Variants in RCE1 observed in about 807,000 individuals in gnomAD.
RCE1 encodes Ras converting CAAX endopeptidase 1, also known as CAAX prenyl protease 2.
RCE1 carries 15 observed loss-of-function variants against 35.0 expected under a neutral mutation model. The observed-to-expected ratio is 0.43, with a 90% confidence interval of 0.29 to 0.66. The LOEUF is 0.66. Ranked by LOEUF, RCE1 falls within the 30% of genes least tolerant of loss-of-function variation. The pLI, the probability that RCE1 is intolerant of heterozygous loss-of-function variation, is 0.17. For synonymous variants in RCE1, 261 were observed against 192.7 expected (o/e 1.35, Z -2.94); for missense variants, 434 against 433.0 (o/e 1.00, Z -0.02).
At position 66,846,099 on chromosome 11, in the gene RCE1, A is replaced by G. The variant is rs758213941; in HGVS notation, c.*4A>G. 3.8e-6 allele frequency: 6 copies of G among 1,599,864 alleles called. No homozygotes were observed. Among genetic ancestry groups the G allele is most frequent in the South Asian group, 1.1e-5 (1 of 89,828 alleles). Reference sequence around the variant, plus strand: ...AGAGGCTCCCCTGTGCTCCTGACCTATGCTCCTGGATACGCTATGAACTCT... The same window carrying G: ...AGAGGCTCCCCTGTGCTCCTGACCTGTGCTCCTGGATACGCTATGAACTCT... On this transcript the variant is annotated 3_prime_UTR_variant, in exon 8 of 8. Transcript: ENST00000309657.
In RCE1 at chr11:66,845,053, T is replaced by G. The variant is rs766310184; in HGVS notation, c.619+17T>G. The G allele has an allele frequency of 1.2e-5, 20 of 1,603,874 alleles. No individual in the cohort carries two copies. Among genetic ancestry groups the G allele is most frequent in the Non-Finnish European group, 1.7e-5 (20 of 1,173,288 alleles). On this transcript the variant is annotated intron_variant, in intron 5 of 7. Coordinates refer to ENST00000309657, the MANE Select transcript of RCE1 (RefSeq NM_005133.3). ...TTGGAGTTGGTGAGTCTGGCCAGAT[T>G]AGTCCTGGTGTGTTTTCAGCATGAG...
At chr11:66,844,468 C>T in intron 4 of RCE1, 104 bp downstream of exon 4, 1 of 1,448,100 alleles carries the variant, frequency 6.9e-7, no homozygotes, top group South Asian at 1.2e-5. Context: ...GAAATGTCAT[C>T]TCTCTGGGTG....
chr11:66,845,730 G>A (rs532432316), intron 7 of RCE1, 130 bp from the exon 8 acceptor site: 63 of 1,454,248 alleles, frequency 4.3e-5, no homozygotes, highest in Non-Finnish European at 5.5e-5. Context: ...AGCAGAGGCC[G>A]TGGTGTGTGG....
chr11:66,845,290 G>A, intron 6 of RCE1, 53 bp downstream of exon 6: 1 of 1,612,522 alleles, frequency 6.2e-7, no homozygotes, highest in Non-Finnish European at 8.5e-7. Flanking sequence ...GTCGCTAATG[G>A]CCACTCTGGA....
At position 66,846,129 on chromosome 11, in the gene RCE1, G is replaced by C; in HGVS notation, c.*34G>C. ...CCTGGATACGCTATGAACTCTCACC[G>C]GCTCCCCAGCCCTCCCCACCAAGGG... On this transcript the variant is annotated 3_prime_UTR_variant, in exon 8 of 8. Transcript: ENST00000309657. 1 of 1,548,428 alleles carries C rather than the reference G, an allele frequency of 6.5e-7. No homozygotes were observed. Among genetic ancestry groups the C allele is most frequent in the Non-Finnish European group, 8.7e-7 (1 of 1,149,112 alleles).
At chr11:66,845,117 A>C (rs753460902) in intron 5 of RCE1, 49 bp from the exon 6 acceptor site, 1 of 1,614,028 alleles carries the variant, frequency 6.2e-7, no homozygotes, top group South Asian at 1.1e-5. Flanking sequence ...CAGTCCTAGA[A>C]GGGAGGCTGG....
In RCE1 at chr11:66,844,908, G is replaced by A; in HGVS notation, c.491G>A (p.Trp164Ter). Residue 164 changes from tryptophan (W) to a stop codon, truncating the protein, a stop_gained, in exon 5 of 8, where the codon TGG becomes TAG. Coordinates refer to ENST00000309657, the MANE Select transcript of RCE1 (RefSeq NM_005133.3). LOFTEE classifies it high-confidence loss of function. Reference sequence around the variant, plus strand: ...GCCCGCTGCCTCACAGACATGCGTTGGCTGCGGAACCAAGTGATCGCCCCG... The same window carrying A: ...GCCCGCTGCCTCACAGACATGCGTTAGCTGCGGAACCAAGTGATCGCCCCG... ...SWARCLTDMR[W>*]LRNQVIAPLT... 1 of 1,587,462 alleles carries A rather than the reference G, an allele frequency of 6.3e-7. No individual in the cohort carries two copies. The highest frequency in any genetic ancestry group is 8.6e-7 in the Non-Finnish European group (1 of 1,167,550).
Position 66,845,152 on chromosome 11 carries a change from C to CA in RCE1, c.620-13dup. Reference sequence around the variant, plus strand: ...GGAGGAATGACTGTGATGTGATTGTCACCTTTTTCCCAGCCCATTTTCACC... The same window carrying CA: ...GGAGGAATGACTGTGATGTGATTGTCAACCTTTTTCCCAGCCCATTTTCACC... On this transcript the variant is annotated splice_polypyrimidine_tract_variant and intron_variant, in intron 5 of 7. Coordinates refer to ENST00000309657, the MANE Select transcript of RCE1 (RefSeq NM_005133.3). 1 of 1,614,212 alleles carries CA rather than the reference C, an allele frequency of 6.2e-7. No homozygotes were observed. Among genetic ancestry groups the CA allele is most frequent in the Non-Finnish European group, 8.5e-7 (1 of 1,180,038 alleles).
At chr11:66,844,774 C>T (rs1945171045) in intron 4 of RCE1, 95 bp from the exon 5 acceptor site, 4 of 1,436,968 alleles carry the variant, frequency 2.8e-6, no homozygotes, top group South Asian at 1.6e-5. Context: ...TGAGTTTGGC[C>T]AGGGTAAAGT....
chr11:66,844,748 G>GT, intron 4 of RCE1, 121 bp from the exon 5 acceptor site: 1 of 1,357,434 alleles, frequency 7.4e-7, no homozygotes, highest in Non-Finnish European at 9.7e-7. Flanking sequence ...GTCCTCAGCA[G>GT]TATTGATGCC....
intron 7 of RCE1, 60 bp downstream of exon 7, chr11:66,845,622 A>G: frequency 1.2e-6 from 2 of 1,610,402 alleles, no homozygotes; most frequent in Non-Finnish European, 1.7e-6. Context: ...GGAGAATGGG[A>G]ATACTGTTTG....
At chr11:66,843,734 C>T (rs1315007975) in intron 1 of RCE1, 25 bp from the exon 2 acceptor site, 2 of 1,611,392 alleles carry the variant, frequency 1.2e-6, no homozygotes, top group South Asian at 1.1e-5. Flanking sequence ...CCGCGGGCCC[C>T]CTGAACTTAC....
At chr11:66,844,166 C>A in intron 3 of RCE1, 120 bp from the exon 4 acceptor site, 1 of 1,586,244 alleles carries the variant, frequency 6.3e-7, no homozygotes, top group East Asian at 2.2e-5. Flanking sequence ...CAGGGTCCTC[C>A]GGTATGCATG....
Position 66,843,828 on chromosome 11 carries a change from C to G in RCE1, c.255C>G (p.Cys85Trp), listed in dbSNP as rs150448965. 2 of 1,613,960 alleles carry G rather than the reference C, an allele frequency of 1.2e-6. No individual in the cohort carries two copies. The highest frequency in any genetic ancestry group is 1.7e-6 in the Non-Finnish European group (2 of 1,180,028). ...TGGTGTCCAGTCTCTCACCCCTGTG[C>G]GTGCTGCTCTGGAGGGAACTCACAG... ...VLVVSSLSPLCVLLWRELTGI... is the reference protein window; with the variant it reads ...VLVVSSLSPLWVLLWRELTGI... The change falls in exon 2 of 8, where the codon TGC (cysteine) becomes TGG (tryptophan). Residue 85 changes from cysteine (C) to tryptophan (W), a missense_variant. Physicochemically the swap from Cys to Trp is radical, Grantham distance 215 (BLOSUM62 -2). Coordinates refer to ENST00000309657, the MANE Select transcript of RCE1 (RefSeq NM_005133.3).
Position 66,843,521 on chromosome 11 carries a change from G to C in RCE1, c.66G>C (p.Glu22Asp), listed in dbSNP as rs1363183683. ...LSVSRPERPP[E>D]SAALGGLGPG... is the part of the protein sequence containing the mutation. ...TGTCGCGGCCGGAGCGGCCGCCCGA[G>C]TCGGCGGCGCTGGGCGGCCTGGGCC... is the stretch of plus-strand genomic sequence containing the variant. Residue 22 changes from glutamate (E) to aspartate (D), a missense_variant, in exon 1 of 8, where the codon GAG becomes GAC. Glu to Asp is a conservative substitution (Grantham distance 45). Coordinates refer to ENST00000309657, the MANE Select transcript of RCE1 (RefSeq NM_005133.3). The C allele has an allele frequency of 4.7e-6, 7 of 1,503,910 alleles. No individual in the cohort carries two copies. In the Admixed American group the frequency reaches 1.6e-4, roughly 33 times the overall value. 93.2% of individuals were successfully genotyped at this position (1,503,910 alleles called of 1,614,324 possible).
chr11:66,843,533 G>A lies in RCE1; in HGVS notation c.78G>A (p.Leu26=), dbSNP rs1433159935. 6.6e-7 allele frequency: 1 copy of A among 1,526,374 alleles called. No individual in the cohort carries two copies. Among genetic ancestry groups the A allele is most frequent in the Non-Finnish European group, 8.7e-7 (1 of 1,146,308 alleles). 94.6% of individuals were successfully genotyped at this position (1,526,374 alleles called of 1,614,324 possible). A position where few individuals can be genotyped will look rare whatever the true frequency, so the allele number is the denominator to read the frequency against. ...AGCGGCCGCCCGAGTCGGCGGCGCTGGGCGGCCTGGGCCCCGGGCTGTGCT... is the reference window on the plus strand; with the variant it reads ...AGCGGCCGCCCGAGTCGGCGGCGCTAGGCGGCCTGGGCCCCGGGCTGTGCT... The part of the protein sequence containing the change: ...RPERPPESAA[L]GGLGPGLCCW... Residue 26 remains leucine (L), a synonymous_variant, in exon 1 of 8, where the codon CTG becomes CTA. Coordinates refer to ENST00000309657, the MANE Select transcript of RCE1 (RefSeq NM_005133.3).
Position 66,843,640 on chromosome 11 carries a change from G to C in RCE1, c.185G>C (p.Arg62Thr). 6.2e-7 allele frequency: 1 copy of C among 1,603,342 alleles called. No homozygotes were observed. Among genetic ancestry groups the C allele is most frequent in the Non-Finnish European group, 8.5e-7 (1 of 1,177,102 alleles). The stretch of plus-strand genomic sequence containing the variant: ...TACGTCTGGAAGAGCGAACTGCCCA[G>C]GTGCGGGGGCTGCGCGCGACCGGAA... ...SLYVWKSELP[R>T]DHPAVIKRRF... The change falls in exon 1 of 8, where the codon AGG (arginine) becomes ACG (threonine). Residue 62 changes from arginine to threonine, a missense_variant and splice_region_variant. Transcript: ENST00000309657.
In RCE1 at chr11:66,843,655, C is replaced by A; in HGVS notation, c.185+15C>A. 6.2e-7 allele frequency: 1 copy of A among 1,603,248 alleles called. No homozygotes were observed. Among genetic ancestry groups the A allele is most frequent in the Non-Finnish European group, 8.5e-7 (1 of 1,176,584 alleles). On this transcript the variant is annotated intron_variant, in intron 1 of 7. Transcript: ENST00000309657. ...GAACTGCCCAGGTGCGGGGGCTGCGCGCGACCGGAATCCGCGCCCTGCGGG... is the reference window on the plus strand; with the variant it reads ...GAACTGCCCAGGTGCGGGGGCTGCGAGCGACCGGAATCCGCGCCCTGCGGG...
Position 66,844,063 on chromosome 11 carries a change from TC to T in RCE1, c.372+25del, listed in dbSNP as rs778060432. 44 of 1,614,002 alleles carry T rather than the reference TC, an allele frequency of 2.7e-5. No homozygotes were observed. In the African/African-American group the frequency reaches 5.1e-4, roughly 19 times the overall value. Reference sequence around the variant, plus strand: ...TGGTGAGTGCTCCTGCTGTATTTTTTCTTCTGGTCTTTGTTATCAGCCTGAT... The same window carrying T: ...TGGTGAGTGCTCCTGCTGTATTTTTTTTCTGGTCTTTGTTATCAGCCTGAT... On this transcript the variant is annotated intron_variant, in intron 3 of 7. Coordinates refer to ENST00000309657, the MANE Select transcript of RCE1 (RefSeq NM_005133.3).
Sources: allele counts gnomAD v4.1 joint callset, GRCh38; gene constraint gnomAD v4.1.1; transcripts MANE v1.5; gene names NCBI Gene and HGNC (gene_info 2026-07-23, HGNC 2026-07-21).